ENPP7: variants seen among roughly 807,000 people sequenced by gnomAD.
The protein encoded by ENPP7 is ectonucleotide pyrophosphatase/phosphodiesterase family member 7.
Under a neutral mutation model 33.6 loss-of-function variants are expected in ENPP7, and 39 were observed. The ratio of observed to expected loss-of-function variants is 1.16; its 90% CI spans 0.90 to 1.52. ENPP7 has a LOEUF of 1.52. ENPP7 is among the 40% of genes most tolerant of loss of function. The pLI, the probability that ENPP7 is intolerant of heterozygous loss-of-function variation, is 0.00. For synonymous variants in ENPP7, 244 were observed against 274.3 expected (o/e 0.89, Z 1.09); for missense variants, 594 against 641.0 (o/e 0.93, Z 0.79).
At chr17:79,732,874 G>A (rs1324903795) in intron 1 of ENPP7, among the ~76,000 whole-genome samples, 3 of 152,226 alleles carry the variant, frequency 2.0e-5, no homozygotes, top group Admixed American at 6.5e-5. Context: ...CCCCACACCA[G>A]CCTTTCTGCC....
rs1905576360 is a variant in ENPP7 at position 79,742,114 on chromosome 17, G to A, written c.*337G>A. ...GTCTGCAGCCACGCGGGGGCGCGCG[G>A]GAGCTCTGCGGGCGCTGGAACCTGC... On this transcript the variant is annotated 3_prime_UTR_variant, in exon 6 of 6. Coordinates refer to ENST00000328313, the MANE Select transcript of ENPP7 (RefSeq NM_178543.5). The A allele has an allele frequency of 4.4e-6, 1 of 228,294 alleles. No individual in the cohort carries two copies. Among genetic ancestry groups the A allele is most frequent in the Non-Finnish European group, 7.3e-6 (1 of 137,576 alleles). The allele number at this position is 228,294 out of a possible 1,614,324, so 14.1% of individuals were successfully genotyped here.
In ENPP7 at chr17:79,738,162, G is replaced by A. The variant is rs534173658; in HGVS notation, c.*16+100G>A. ...AGTCCTAGGCAACCAGAACAGAGCT[G>A]CCAGGCCCCGCCAAGCAGGTGACTC... On this transcript the variant is annotated intron_variant, in intron 5 of 5. Transcript: ENST00000328313. This position sits in a 1 kb window ranked among gnomAD's most constrained non-coding sequence, Gnocchi z 6.2. The A allele has an allele frequency of 1.0e-4, 129 of 1,247,072 alleles. No homozygotes were observed. The African/African-American group carries it at 1.9e-3, about 18-fold the overall frequency. 77.3% of individuals were successfully genotyped at this position (1,247,072 alleles called of 1,614,324 possible). A position where few individuals can be genotyped will look rare whatever the true frequency, so the allele number is the denominator to read the frequency against.
chr17:79,733,373 C>G, intron 1 of ENPP7, 135 bp from the exon 2 acceptor site: 1 of 892,172 alleles, frequency 1.1e-6, no homozygotes, highest in Non-Finnish European at 1.8e-6. Flanking sequence ...CCCCCCAGCC[C>G]TGCCCCAGGC....
In ENPP7 at chr17:79,741,948, G is replaced by A; in HGVS notation, c.*171G>A. The A allele has an allele frequency of 5.1e-6, 5 of 985,584 alleles. No homozygotes were observed. Among genetic ancestry groups the A allele is most frequent in the Non-Finnish European group, 6.0e-6 (5 of 830,074 alleles). The allele number at this position is 985,584 out of a possible 1,614,324, so 61.1% of individuals were successfully genotyped here. A position where few individuals can be genotyped will look rare whatever the true frequency, so the allele number is the denominator to read the frequency against. On this transcript the variant is annotated 3_prime_UTR_variant, in exon 6 of 6. Coordinates refer to ENST00000328313, the MANE Select transcript of ENPP7 (RefSeq NM_178543.5). The stretch of plus-strand genomic sequence containing the variant: ...CCAACCCCTGCTTGGCTGTTATGGT[G>A]CTGGTAATAAGCCTCGCAGCCCAGG...
rs977758347 is a variant in ENPP7 at position 79,738,296 on chromosome 17, C to T, written c.*16+234C>T. 4.3e-6 allele frequency: 2 copies of T among 468,074 alleles called. No homozygotes were observed. The highest frequency in any genetic ancestry group is 3.1e-5 in the South Asian group (1 of 32,492). 29.0% of individuals were successfully genotyped at this position (468,074 alleles called of 1,614,324 possible). On this transcript the variant is annotated intron_variant, in intron 5 of 5. Coordinates refer to ENST00000328313, the MANE Select transcript of ENPP7 (RefSeq NM_178543.5). The surrounding 1 kb of genome is among the most constrained non-coding windows in gnomAD (Gnocchi z 6.2). Reference sequence around the variant, plus strand: ...GGAGGTCTTTCCAGAGCAGACCACCCGGACCAGTGGCCAGAATTCCCACCC... The same window carrying T: ...GGAGGTCTTTCCAGAGCAGACCACCTGGACCAGTGGCCAGAATTCCCACCC...
chr17:79,740,280 C>T (rs932348079), intron 5 of ENPP7, among the ~76,000 whole-genome samples: 1 of 152,006 alleles, frequency 6.6e-6, no homozygotes, highest in African/African-American at 2.4e-5. Flanking sequence ...TGGGGAGGAC[C>T]ATTCATGCCA....
At position 79,742,000 on chromosome 17, in the gene ENPP7, A is replaced by G. The variant is rs1179137740; in HGVS notation, c.*223A>G. On this transcript the variant is annotated 3_prime_UTR_variant, in exon 6 of 6. Transcript: ENST00000328313. ...CCAGAGCCCCCGGCGAGCCGGTCCCATAACCGGCCCCCTGCCCCTGCCCCT... is the reference window on the plus strand; with the variant it reads ...CCAGAGCCCCCGGCGAGCCGGTCCCGTAACCGGCCCCCTGCCCCTGCCCCT... 1 of 957,402 alleles carries G rather than the reference A, an allele frequency of 1.0e-6. No individual in the cohort carries two copies. Among genetic ancestry groups the G allele is most frequent in the Non-Finnish European group, 1.2e-6 (1 of 803,284 alleles). 59.3% of individuals were successfully genotyped at this position (957,402 alleles called of 1,614,324 possible).
rs1225218901 is a variant in ENPP7, at chr17:79,742,022, CCCTGCT to C, written c.*255_*260del. The C allele has an allele frequency of 4.9e-6, 4 of 812,274 alleles. No individual in the cohort carries two copies. The highest frequency in any genetic ancestry group is 6.1e-4 in the Middle Eastern group (1 of 1,642). The allele number at this position is 812,274 out of a possible 1,614,324, so 50.3% of individuals were successfully genotyped here. Reference sequence around the variant, plus strand: ...CCCATAACCGGCCCCCTGCCCCTGCCCCTGCTCCTGCTCCTCCCCTTCGGGCCCCCT... The same window carrying C: ...CCCATAACCGGCCCCCTGCCCCTGCCCCTGCTCCTCCCCTTCGGGCCCCCT... On this transcript the variant is annotated 3_prime_UTR_variant, in exon 6 of 6. Transcript: ENST00000328313.
At chr17:79,731,434 T>G in intron 1 of ENPP7, 42 bp downstream of exon 1, 1 of 1,575,206 alleles carries the variant, frequency 6.3e-7, no homozygotes, top group Non-Finnish European at 8.6e-7. Context: ...TGGGAGGGCC[T>G]GAGAAACCAG....
chr17:79,733,611 G>C lies in ENPP7; in HGVS notation c.357G>C (p.Trp119Cys), dbSNP rs782287883. Residue 119 changes from tryptophan (W) to cysteine (C), a missense_variant, in exon 2 of 6, where the codon TGG becomes TGC. Around this residue, in one of 3 missense-constraint regions of ENPP7, gnomAD observed 504 missense variants for 512.8 expected, o/e 0.98. Coordinates refer to ENST00000328313, the MANE Select transcript of ENPP7 (RefSeq NM_178543.5). ...YHATLGIQRWWDNGSVPIWIT... is the reference protein window; with the variant it reads ...YHATLGIQRWCDNGSVPIWIT... ...CCACGCTGGGCATCCAGAGGTGGTG[G>C]GACAACGGCAGCGTGCCCATCTGGA... is the stretch of plus-strand genomic sequence containing the variant. 1.2e-6 allele frequency: 2 copies of C among 1,613,264 alleles called. No homozygotes were observed. The highest frequency in any genetic ancestry group is 1.7e-6 in the Non-Finnish European group (2 of 1,179,998).
At position 79,733,530 on chromosome 17, in the gene ENPP7, G is replaced by T. The variant is rs1555822938; in HGVS notation, c.276G>T (p.Gly92=). ...CAGGCAAATATATCGAGAACCACGG[G>T]GTGGTTCACAACATGTACTACAACA... ...LVTGKYIENH[G]VVHNMYYNTT... The change falls in exon 2 of 6, where the codon GGG becomes GGT. Residue 92 remains glycine, a synonymous_variant. Coordinates refer to ENST00000328313, the MANE Select transcript of ENPP7 (RefSeq NM_178543.5). The T allele has an allele frequency of 6.2e-7, 1 of 1,613,256 alleles. No individual in the cohort carries two copies. The highest frequency in any genetic ancestry group is 1.7e-5 in the Admixed American group (1 of 59,986).
chr17:79,731,319 C>T lies in ENPP7; in HGVS notation c.180C>T (p.Asp60=), dbSNP rs782026581. 1.3e-5 allele frequency: 21 copies of T among 1,613,744 alleles called. 1 individual carries two copies. The highest frequency in any genetic ancestry group is 8.8e-5 in the South Asian group (8 of 91,070). ...CCAACCTGGACGCCATGGCCCGAGA[C>T]GGGGTGAAGGCACGCTACATGACCC... The part of the protein sequence containing the change: ...DTPNLDAMAR[D]GVKARYMTPA... Residue 60 remains aspartate, a synonymous_variant, in exon 1 of 6, where the codon GAC becomes GAT. Coordinates refer to ENST00000328313, the MANE Select transcript of ENPP7 (RefSeq NM_178543.5).
In ENPP7 at chr17:79,742,044, C is replaced by A; in HGVS notation, c.*267C>A. On this transcript the variant is annotated 3_prime_UTR_variant, in exon 6 of 6. Coordinates refer to ENST00000328313, the MANE Select transcript of ENPP7 (RefSeq NM_178543.5). Reference sequence around the variant, plus strand: ...TGCCCCTGCTCCTGCTCCTCCCCTTCGGGCCCCCTCCTCCTGCAAAACCCG... The same window carrying A: ...TGCCCCTGCTCCTGCTCCTCCCCTTAGGGCCCCCTCCTCCTGCAAAACCCG... 1 of 640,128 alleles carries A rather than the reference C, an allele frequency of 1.6e-6. No homozygotes were observed. Among genetic ancestry groups the A allele is most frequent in the Non-Finnish European group, 1.9e-6 (1 of 512,852 alleles). 39.7% of individuals were successfully genotyped at this position (640,128 alleles called of 1,614,324 possible). A position where few individuals can be genotyped will look rare whatever the true frequency, so the allele number is the denominator to read the frequency against.
Position 79,741,847 on chromosome 17 carries a change from TC to T in ENPP7, c.*71del. 4.1e-6 allele frequency: 4 copies of T among 985,770 alleles called. No individual in the cohort carries two copies. Among genetic ancestry groups the T allele is most frequent in the Non-Finnish European group, 4.8e-6 (4 of 830,278 alleles). The allele number at this position is 985,770 out of a possible 1,614,324, so 61.1% of individuals were successfully genotyped here. On this transcript the variant is annotated 3_prime_UTR_variant, in exon 6 of 6. Transcript: ENST00000328313. ...TGGGCCGGCTGTCTCGCTGCGATGCTCTGCTGGTCGCGGACGGACCCTGCCT... is the reference window on the plus strand; with the variant it reads ...TGGGCCGGCTGTCTCGCTGCGATGCTTGCTGGTCGCGGACGGACCCTGCCT...
At chr17:79,732,052 C>T (rs1555822601) in intron 1 of ENPP7, among the ~76,000 whole-genome samples, 3 of 147,066 alleles carry the variant, frequency 2.0e-5, no homozygotes, top group Non-Finnish European at 4.5e-5. Flanking sequence ...GAGCTGAGAT[C>T]GCACCACTGC....
chr17:79,741,664 CACCATCCTGTTTCCCACGA>C, intron 5 of ENPP7, 111 bp from the exon 6 acceptor site: 1 of 165,488 alleles, frequency 6.0e-6, no homozygotes, highest in African/African-American at 2.4e-5. Context: ...TCCCCCAGCC[CACCATCCTGTTTCCCACGA>C]CCCCTCCCTC....
At chr17:79,741,695 C>A in intron 5 of ENPP7, 99 bp from the exon 6 acceptor site, 1 of 483,068 alleles carries the variant, frequency 2.1e-6, no homozygotes, top group Non-Finnish European at 2.7e-6. Flanking sequence ...CCCTCCCTCC[C>A]AGTCCAGCCG....
rs1273719780 is a variant in ENPP7 at position 79,735,487 on chromosome 17, C to G, written c.844C>G (p.Pro282Ala). The change falls in exon 3 of 6, where the codon CCA (proline) becomes GCA (alanine). Residue 282 changes from proline to alanine, a missense_variant. Physicochemically the swap from Pro to Ala is conservative, Grantham distance 27 (BLOSUM62 -1). This residue lies in a region of ENPP7 where 504 missense variants were observed against 512.8 expected (regional missense o/e 0.98). Coordinates refer to ENST00000328313, the MANE Select transcript of ENPP7 (RefSeq NM_178543.5). The surrounding 1 kb of genome is among the most constrained non-coding windows in gnomAD (Gnocchi z 5.5). ...DIEFELLDYGPNGMLLPKEGR... is the reference protein window; with the variant it reads ...DIEFELLDYGANGMLLPKEGR... Reference sequence around the variant, plus strand: ...CGAGTTTGAGCTCCTGGACTACGGACCAAACGGGATGCTGCTCCCTAAAGA... The same window carrying G: ...CGAGTTTGAGCTCCTGGACTACGGAGCAAACGGGATGCTGCTCCCTAAAGA... 1 of 1,613,980 alleles carries G rather than the reference C, an allele frequency of 6.2e-7. No homozygotes were observed. The highest frequency in any genetic ancestry group is 8.5e-7 in the Non-Finnish European group (1 of 1,180,048).
At chr17:79,740,855 A>T (rs981669747) in intron 5 of ENPP7, among the ~76,000 whole-genome samples, 4 of 152,216 alleles carry the variant, frequency 2.6e-5, no homozygotes, top group Non-Finnish European at 5.9e-5. Context: ...AAGCCCGCAG[A>T]ATCATCTTTC....
Sources: gnomAD v4.1 joint callset for allele counts (sites outside exome capture counted in the v4.1 genomes callset) on GRCh38, gnomAD v4.1.1 for gene constraint, gnomAD v4.1.1 regional missense constraint, Gnocchi (gnomAD v3.1) non-coding constraint, MANE v1.5 for transcripts, NCBI Gene and HGNC (gene_info 2026-07-23, HGNC 2026-07-21) for gene names.